CES4A: variants seen among roughly 807,000 people sequenced by gnomAD.
CES4A encodes carboxylesterase 4A.
In CES4A, 48 loss-of-function variants were observed where a neutral mutation model predicts 65.4. The observed-to-expected ratio is 0.73, with a 90% confidence interval of 0.58 to 0.93. CES4A has a LOEUF of 0.93. Among genes scored for constraint, CES4A ranks in the 40% least tolerant of loss-of-function variants. The pLI is 0.00. For missense variants in CES4A, 685 were observed against 728.5 expected, an observed-to-expected ratio of 0.94 and a Z score of 0.69; for synonymous variants, 247 against 281.8, an observed-to-expected ratio of 0.88 and a Z score of 1.24.
chr16:67,004,153 CA>C lies in CES4A; in HGVS notation c.1010del (p.Gln337ArgfsTer11). ...AGATGACCCTTTGGTGCTCCTGACC[CA>C]GGGGAAGGTTTCATCTGTGCCCTAC... On this transcript the variant is annotated frameshift_variant, in exon 9 of 14. Coordinates refer to ENST00000648724, the Ensembl canonical transcript of CES4A. LOFTEE classifies it high-confidence loss of function. 6.2e-7 allele frequency: 1 copy of C among 1,614,126 alleles called. No individual in the cohort carries two copies. Among genetic ancestry groups the C allele is most frequent in the Non-Finnish European group, 8.5e-7 (1 of 1,179,954 alleles).
chr16:66,988,875 C>T (rs1320111771), intron 1 of CES4A, 45 bp downstream of exon 1: 2 of 1,535,358 alleles, frequency 1.3e-6, no homozygotes, highest in Admixed American at 2.0e-5. Flanking sequence ...AAGACGGGCA[C>T]AAGGGATGGA....
exon 14 of CES4A, chr16:67,009,103 G>A (rs1005788741): frequency 6.2e-7 from 1 of 1,613,734 alleles, no homozygotes; most frequent in African/African-American, 1.3e-5. Context: ...GGATGAGTCT[G>A]TACCAGTCTC....
chr16:67,008,784 A>AT, intron 13 of CES4A, 190 bp from the exon 14 acceptor site: 1 of 608,126 alleles, frequency 1.6e-6, no homozygotes. Context: ...CCTGGCACAT[A>AT]CTGTTTGCTC....
At chr16:66,997,586 G>A (rs1406063152) in intron 2 of CES4A, among the ~76,000 whole-genome samples, 1 of 152,164 alleles carries the variant, frequency 6.6e-6, no homozygotes, top group East Asian at 1.9e-4. Flanking sequence ...CACTGATAAT[G>A]ACTAGTTTTT....
chr16:67,008,439 C>T (rs1170978887), intron 13 of CES4A: 1 of 152,626 alleles, frequency 6.6e-6, no homozygotes, highest in Non-Finnish European at 1.5e-5. Context: ...CTCGCTCTGT[C>T]ACCCAGGCTG....
chr16:67,001,598 C>A lies in CES4A; in HGVS notation c.690+137C>A. 9.6e-7 allele frequency: 1 copy of A among 1,040,620 alleles called. No homozygotes were observed. The highest frequency in any genetic ancestry group is 1.4e-6 in the Non-Finnish European group (1 of 734,542). 64.5% of individuals were successfully genotyped at this position (1,040,620 alleles called of 1,614,324 possible). A position where few individuals can be genotyped will look rare whatever the true frequency, so the allele number is the denominator to read the frequency against. ...GCCACAGAAATGCTCTCGCCCCTGCCAAGGGTACAGCCCCTCATAGCCAAG... is the reference window on the plus strand; with the variant it reads ...GCCACAGAAATGCTCTCGCCCCTGCAAAGGGTACAGCCCCTCATAGCCAAG... On this transcript the variant is annotated intron_variant, in intron 5 of 13. Coordinates refer to ENST00000648724, the Ensembl canonical transcript of CES4A. The surrounding 1 kb of genome is among the most constrained non-coding windows in gnomAD (Gnocchi z 4.1).
intron 1 of CES4A, among the ~76,000 whole-genome samples, chr16:66,993,596 G>A (rs1964566684): frequency 6.6e-6 from 1 of 151,860 alleles, no homozygotes; most frequent in Non-Finnish European, 1.5e-5. Context: ...TGCCCACCTC[G>A]GCCTCCCAAA....
chr16:67,000,466 C>T lies in CES4A; in HGVS notation c.261-172C>T. 5 of 1,422,372 alleles carry T rather than the reference C, an allele frequency of 3.5e-6. No individual in the cohort carries two copies. Among genetic ancestry groups the T allele is most frequent in the Non-Finnish European group, 4.6e-6 (5 of 1,091,912 alleles). The allele number at this position is 1,422,372 out of a possible 1,614,324, so 88.1% of individuals were successfully genotyped here. A position where few individuals can be genotyped will look rare whatever the true frequency, so the allele number is the denominator to read the frequency against. On this transcript the variant is annotated intron_variant, in intron 2 of 13. Coordinates refer to ENST00000648724, the Ensembl canonical transcript of CES4A. The surrounding 1 kb of genome is among the most constrained non-coding windows in gnomAD (Gnocchi z 4.2). ...TGAGAGGCCAACCTGCCTCCCAGTC[C>T]TGGGCCCCGGGGCTGGCGGAGGCCT...
At chr16:66,996,201 T>A (rs554452849) in intron 2 of CES4A, 2 of 369,816 alleles carry the variant, frequency 5.4e-6, no homozygotes, top group East Asian at 1.4e-4. Context: ...CATGCACACC[T>A]AATTTTTGTA....
At chr16:67,009,357 T>C in exon 14 of CES4A, 1 of 510,562 alleles carries the variant, frequency 2.0e-6, no homozygotes, top group Non-Finnish European at 3.4e-6. Flanking sequence ...GATGCCCCTC[T>C]ACTTCACTGT....
chr16:66,992,491 T>G (rs900885688), intron 1 of CES4A, among the ~76,000 whole-genome samples: 1 of 152,150 alleles, frequency 6.6e-6, no homozygotes, highest in African/African-American at 2.4e-5. Flanking sequence ...ACCCTGAGAT[T>G]CTCATCAGAG....
intron 1 of CES4A, among the ~76,000 whole-genome samples, chr16:66,993,817 G>A (rs907039381): frequency 6.6e-6 from 1 of 152,090 alleles, no homozygotes; most frequent in African/African-American, 2.4e-5. Flanking sequence ...GAACAGAGGC[G>A]TAGGCCGGGC....
rs973828444 is a variant in CES4A, at chr16:66,994,833, C to G, written c.59-795C>G. 5.9e-4 allele frequency among the ~76,000 whole-genome samples: 78 copies of G among 132,518 alleles called. 2 individuals carry two copies. The highest frequency in any genetic ancestry group is 2.9e-3 in the African/African-American group (75 of 25,894). 86.9% of individuals were successfully genotyped at this position (132,518 alleles called of 152,430 possible). A position where few individuals can be genotyped will look rare whatever the true frequency, so the allele number is the denominator to read the frequency against. ...CAGCCTGGGCAAAAACAGCGAAACTCCATCTCAAAAAAAAAAAAAAATTAG... is the reference window on the plus strand; with the variant it reads ...CAGCCTGGGCAAAAACAGCGAAACTGCATCTCAAAAAAAAAAAAAAATTAG... On this transcript the variant is annotated intron_variant, in intron 1 of 13. Transcript: ENST00000648724.
Position 67,006,828 on chromosome 16 carries a change from C to T in CES4A, c.1517+11C>T. On this transcript the variant is annotated intron_variant, in intron 13 of 13. Coordinates refer to ENST00000648724, the Ensembl canonical transcript of CES4A. ...CTTTGCCCGCACAGGGTGAGTCTGC[C>T]CCCCAGCACATCTGGGCATTCTACC... is the stretch of plus-strand genomic sequence containing the variant. 2 of 1,613,376 alleles carry T rather than the reference C, an allele frequency of 1.2e-6. No individual in the cohort carries two copies. Among genetic ancestry groups the T allele is most frequent in the Non-Finnish European group, 1.7e-6 (2 of 1,179,446 alleles).
At chr16:67,005,505 G>C (rs1699098725) in intron 11 of CES4A, 112 bp downstream of exon 11, 19 of 1,055,524 alleles carry the variant, frequency 1.8e-5, no homozygotes, top group Non-Finnish European at 2.3e-5. Flanking sequence ...TTCTGGGCTA[G>C]TATAGGATTC....
At chr16:67,005,559 G>A in intron 11 of CES4A, 166 bp downstream of exon 11, 1 of 676,138 alleles carries the variant, frequency 1.5e-6, no homozygotes, top group Non-Finnish European at 2.4e-6. Context: ...CTACAAGAGA[G>A]GAAGGGGCCA....
At position 67,003,583 on chromosome 16, in the gene CES4A, A is replaced by G. The variant is rs1337852280; in HGVS notation, c.939+30A>G. 1.3e-6 allele frequency: 2 copies of G among 1,588,876 alleles called. No homozygotes were observed. Among genetic ancestry groups the G allele is most frequent in the Non-Finnish European group, 1.7e-6 (2 of 1,157,284 alleles). On this transcript the variant is annotated intron_variant, in intron 8 of 13. Transcript: ENST00000648724. This position sits in a 1 kb window ranked among gnomAD's most constrained non-coding sequence, Gnocchi z 4.2. ...ACAGGCCACATTCTGCAATTTGAGT[A>G]TTTATTTAACACCTACTTTGTGCCA...
rs566627381 is a variant in CES4A, at chr16:67,000,870, T to C, written c.416T>C (p.Phe139Ser). 15 of 1,600,550 alleles carry C rather than the reference T, an allele frequency of 9.4e-6. No homozygotes were observed. The highest frequency in any genetic ancestry group is 1.3e-5 in the Non-Finnish European group (15 of 1,173,780). ...TTCTTCGTCCAGGTGATGGTCTGGT[T>C]CCCGGGAGGCGCCTTCATCGTGGGC... Residue 139 changes from phenylalanine to serine, a missense_variant, in exon 4 of 14, where the codon TTC (phenylalanine) becomes TCC (serine). Coordinates refer to ENST00000648724, the Ensembl canonical transcript of CES4A. The surrounding 1 kb of genome is among the most constrained non-coding windows in gnomAD (Gnocchi z 4.2).
rs57562021 is a variant in CES4A, at chr16:66,997,948, A to AACAC, written c.260+2167_260+2170dup. On this transcript the variant is annotated intron_variant, in intron 2 of 13. Transcript: ENST00000648724. ...AGAGACAGAGTGAGACCCTATCTAA[A>AACAC]ACACACACACACACACACACACACA... Among the ~76,000 whole-genome samples the AACAC allele has an allele frequency of 3.0e-3, 383 of 127,366 alleles. 3 individuals carry two copies. The highest frequency in any genetic ancestry group is 9.5e-3 in the African/African-American group (311 of 32,880). 83.6% of individuals were successfully genotyped at this position (127,366 alleles called of 152,430 possible). A position where few individuals can be genotyped will look rare whatever the true frequency, so the allele number is the denominator to read the frequency against.
Sources: allele counts gnomAD v4.1 joint callset (sites outside exome capture counted in the v4.1 genomes callset), GRCh38; gene constraint gnomAD v4.1.1; non-coding constraint Gnocchi (gnomAD v3.1); transcripts MANE v1.5; gene names NCBI Gene and HGNC (gene_info 2026-07-23, HGNC 2026-07-21).